TASP1: variants seen among roughly 807,000 people sequenced by gnomAD.
TASP1 encodes the protein threonine aspartase 1.
TASP1 carries 16 observed loss-of-function variants against 56.6 expected under a neutral mutation model. That is an observed-to-expected ratio of 0.28 (90% CI 0.19 to 0.43). The LOEUF is 0.43. Ranked by LOEUF, TASP1 falls within the 20% of genes least tolerant of loss-of-function variation. The pLI is 1.00. For synonymous variants in TASP1, 179 were observed against 184.2 expected (o/e 0.97, Z 0.23); for missense variants, 393 against 511.6 (o/e 0.77, Z 2.24).
intron 11 of TASP1, among the ~76,000 whole-genome samples, chr20:13,455,291 G>A (rs190300443): frequency 1.3e-5 from 2 of 152,112 alleles, no homozygotes; most frequent in East Asian, 3.9e-4. Context: ...ATTAATACAG[G>A]GGGTCTTCAA....
the TASP1 span, among the ~76,000 whole-genome samples, chr20:13,377,685 T>C: frequency 6.6e-6 from 1 of 152,230 alleles, no homozygotes; most frequent in Non-Finnish European, 1.5e-5. Flanking sequence ...AGAATTCAGC[T>C]GTGAATCCAT....
the TASP1 span, among the ~76,000 whole-genome samples, chr20:13,305,592 A>G: frequency 1.3e-5 from 2 of 152,222 alleles, no homozygotes; most frequent in Non-Finnish European, 2.9e-5. Context: ...CTCAGTAATT[A>G]CTGGGTGGGT....
chr20:13,524,945 T>C (rs1259289376), intron 10 of TASP1, among the ~76,000 whole-genome samples: 1 of 152,188 alleles, frequency 6.6e-6, no homozygotes, highest in Non-Finnish European at 1.5e-5. Context: ...ACTGTACACA[T>C]AGAAAGGTAT....
chr20:13,461,606 T>G (rs2044054497), intron 11 of TASP1, among the ~76,000 whole-genome samples: 3 of 152,150 alleles, frequency 2.0e-5, no homozygotes, highest in African/African-American at 7.2e-5. Context: ...TCACAACTAC[T>G]CAACTCTGCC....
intron 11 of TASP1, among the ~76,000 whole-genome samples, chr20:13,438,657 GATCTAATTA>G (rs2043102547): frequency 6.6e-6 from 1 of 152,162 alleles, no homozygotes; most frequent in African/African-American, 2.4e-5. Flanking sequence ...TGACAAATGG[GATCTAATTA>G]ATCTAAAGAG....
At chr20:13,204,571 G>A in the TASP1 span, among the ~76,000 whole-genome samples, 1 of 144,594 alleles carries the variant, frequency 6.9e-6, no homozygotes, top group African/African-American at 2.6e-5. Context: ...ACGGAGTCTC[G>A]CCCTGTTGCC....
intron 11 of TASP1, among the ~76,000 whole-genome samples, chr20:13,479,205 G>T (rs141827171): frequency 6.6e-6 from 1 of 151,980 alleles, no homozygotes; most frequent in East Asian, 1.9e-4. Context: ...GAACTTAATT[G>T]TCATATACAA....
At chr20:13,152,273 C>T in the TASP1 span, among the ~76,000 whole-genome samples, 2 of 152,152 alleles carry the variant, frequency 1.3e-5, no homozygotes, top group Admixed American at 1.3e-4. Context: ...ATGTCAAGAG[C>T]TTATAACAGT....
At chr20:13,485,986 G>C (rs1015622202) in intron 10 of TASP1, among the ~76,000 whole-genome samples, 1 of 152,126 alleles carries the variant, frequency 6.6e-6, no homozygotes. Context: ...TGTTATACAG[G>C]AATATATATA....
At chr20:13,295,021 T>C in the TASP1 span, among the ~76,000 whole-genome samples, 2 of 152,164 alleles carry the variant, frequency 1.3e-5, no homozygotes, top group African/African-American at 4.8e-5. Flanking sequence ...TTCCTCGTTC[T>C]ATTGATGAGT....
chr20:13,235,306 T>A, the TASP1 span, among the ~76,000 whole-genome samples: 1 of 152,226 alleles, frequency 6.6e-6, no homozygotes, highest in Non-Finnish European at 1.5e-5. Flanking sequence ...TACCATTTCA[T>A]CAGCCAAAGC....
intron 11 of TASP1, among the ~76,000 whole-genome samples, chr20:13,443,418 A>C (rs778187978): frequency 6.6e-6 from 1 of 152,252 alleles, no homozygotes; most frequent in Non-Finnish European, 1.5e-5. Flanking sequence ...ACAATCTTAA[A>C]TTCCATTAAC....
the TASP1 span, among the ~76,000 whole-genome samples, chr20:13,290,465 C>T: frequency 7.4e-3 from 1,128 of 152,210 alleles, 14 homozygotes; most frequent in African/African-American, 0.026. Flanking sequence ...CTGGCTAACA[C>T]GGTGAAATGC....
the TASP1 span, among the ~76,000 whole-genome samples, chr20:13,367,687 T>G: frequency 6.6e-6 from 1 of 152,240 alleles, no homozygotes; most frequent in Non-Finnish European, 1.5e-5. Flanking sequence ...ATTATTTATT[T>G]GTTCATATTG....
At chr20:13,225,214 T>C in the TASP1 span, among the ~76,000 whole-genome samples, 1 of 152,106 alleles carries the variant, frequency 6.6e-6, no homozygotes, top group Non-Finnish European at 1.5e-5. Flanking sequence ...TTATCCCTGT[T>C]TCAAAAGGAG....
the TASP1 span, among the ~76,000 whole-genome samples, chr20:13,264,114 G>A: frequency 6.6e-6 from 1 of 152,114 alleles, no homozygotes; most frequent in African/African-American, 2.4e-5. Flanking sequence ...CTTATTTGTT[G>A]CCCCCTGAGC....
At chr20:13,623,298 T>C in intron 4 of TASP1, 148 bp downstream of exon 4, 1 of 508,784 alleles carries the variant, frequency 2.0e-6, no homozygotes, top group Non-Finnish European at 3.4e-6. Context: ...AAAACAACAA[T>C]ATCATAGGCT....
chr20:13,588,549 A>G (rs933618881), intron 4 of TASP1, among the ~76,000 whole-genome samples: 5 of 152,214 alleles, frequency 3.3e-5, no homozygotes, highest in Admixed American at 3.3e-4. Flanking sequence ...CTAAAAATGA[A>G]ATCAAGAAAA....
chr20:13,526,136 A>G (rs1008075679), intron 10 of TASP1, among the ~76,000 whole-genome samples: 1 of 152,142 alleles, frequency 6.6e-6, no homozygotes, highest in Non-Finnish European at 1.5e-5. Context: ...GCACATCACC[A>G]ATTTTAAAAT....
Sources: gnomAD v4.1 joint callset for allele counts (sites outside exome capture counted in the v4.1 genomes callset) on GRCh38, gnomAD v4.1.1 for gene constraint, MANE v1.5 for transcripts, NCBI Gene and HGNC (gene_info 2026-07-23, HGNC 2026-07-21) for gene names.